FAM135B: variants seen among roughly 807,000 people sequenced by gnomAD.
FAM135B encodes protein FAM135B.
In FAM135B, 43 loss-of-function variants were observed where a neutral mutation model predicts 127.7. The observed-to-expected ratio is 0.34, with a 90% CI of 0.26 to 0.43. The LOEUF is 0.43. Among genes scored for constraint, FAM135B ranks in the 20% least tolerant of loss-of-function variants. The pLI is 1.00. For missense variants in FAM135B, 1,558 were observed against 1,725.6 expected (o/e 0.90, Z 1.72); for synonymous variants, 670 against 665.1 (o/e 1.01, Z -0.11).
intron 7 of FAM135B, among the ~76,000 whole-genome samples, chr8:138,200,053 A>T (rs1816987913): frequency 6.6e-6 from 1 of 152,222 alleles, no homozygotes; most frequent in Non-Finnish European, 1.5e-5. Context: ...CAGTAGTGTG[A>T]GGAATGAATG....
At chr8:138,343,715 T>G (rs2131073289) in intron 2 of FAM135B, among the ~76,000 whole-genome samples, 1 of 152,266 alleles carries the variant, frequency 6.6e-6, no homozygotes, top group South Asian at 2.1e-4. Context: ...CCCAAACGTG[T>G]CTACTGTGTC....
At chr8:138,309,709 G>A (rs1007375895) in intron 3 of FAM135B, among the ~76,000 whole-genome samples, 3 of 152,162 alleles carry the variant, frequency 2.0e-5, no homozygotes, top group African/African-American at 7.2e-5. Context: ...TATATGAAGT[G>A]TAGCTATGAC....
chr8:138,444,942 T>C (rs1262245917), intron 1 of FAM135B, among the ~76,000 whole-genome samples: 9 of 151,992 alleles, frequency 5.9e-5, no homozygotes, highest in Non-Finnish European at 4.4e-5. Context: ...AAGAATCAAA[T>C]AGCCGCAATA....
intron 7 of FAM135B, among the ~76,000 whole-genome samples, chr8:138,228,284 G>A (rs573181986): frequency 2.0e-5 from 3 of 152,044 alleles, no homozygotes; most frequent in South Asian, 2.1e-4. Flanking sequence ...CTTCACTCTC[G>A]CTGGGCTGAA....
chr8:138,210,763 C>G (rs1327713734), intron 7 of FAM135B, among the ~76,000 whole-genome samples: 1 of 152,122 alleles, frequency 6.6e-6, no homozygotes, highest in Non-Finnish European at 1.5e-5. Context: ...CAAACGATAT[C>G]AATAGGCTTT....
At chr8:138,148,868 A>C in intron 13 of FAM135B, 182 bp from the exon 14 acceptor site, 1 of 431,182 alleles carries the variant, frequency 2.3e-6, no homozygotes, top group East Asian at 4.0e-5. Context: ...ACAAGGAGGC[A>C]GGAAAGCACT....
rs145886925 is a variant in FAM135B, at chr8:138,147,501, C to T, written c.3448+1019G>A. Among the ~76,000 whole-genome samples the T allele has an allele frequency of 2.8e-3, 428 of 152,180 alleles. 1 individual carries two copies. The highest frequency in any genetic ancestry group is 9.8e-3 in the African/African-American group (405 of 41,530). On this transcript the variant is annotated intron_variant, in intron 14 of 19. Transcript: ENST00000395297. ...CAACATGAAGAGTTGTGTAAATATT[C>T]ATAACTGTTATCAATGTGCTCCGCT...
At chr8:138,434,776 C>T (rs910858099) in intron 1 of FAM135B, among the ~76,000 whole-genome samples, 2 of 152,268 alleles carry the variant, frequency 1.3e-5, no homozygotes, top group Admixed American at 6.5e-5. Flanking sequence ...ATACCAATCC[C>T]ACCAGCCTCT....
chr8:138,424,993 C>G (rs558595918), intron 1 of FAM135B, among the ~76,000 whole-genome samples: 2 of 152,282 alleles, frequency 1.3e-5, no homozygotes, highest in Non-Finnish European at 2.9e-5. Flanking sequence ...CCAGCCAACT[C>G]CATTGATTAT....
At chr8:138,409,222 G>A (rs979185294) in intron 1 of FAM135B, among the ~76,000 whole-genome samples, 7 of 152,062 alleles carry the variant, frequency 4.6e-5, no homozygotes, top group Admixed American at 4.6e-4. Flanking sequence ...CAGTATTGTT[G>A]TGTCTCCAGG....
intron 9 of FAM135B, among the ~76,000 whole-genome samples, chr8:138,183,088 C>G: frequency 6.7e-6 from 1 of 149,396 alleles, no homozygotes; most frequent in South Asian, 2.2e-4. Flanking sequence ...GTGCCATCCA[C>G]CCAGGTGCCC....
intron 6 of FAM135B, among the ~76,000 whole-genome samples, chr8:138,249,948 A>G (rs1218202083): frequency 6.6e-6 from 1 of 152,234 alleles, no homozygotes; most frequent in Admixed American, 6.5e-5. Context: ...GCATGGTACA[A>G]TATGCTAGAT....
intron 12 of FAM135B, among the ~76,000 whole-genome samples, chr8:138,155,319 C>A (rs1315239696): frequency 6.6e-6 from 1 of 152,170 alleles, no homozygotes; most frequent in African/African-American, 2.4e-5. Flanking sequence ...AAGGAACAAC[C>A]AGTACCAGCC....
intron 1 of FAM135B, among the ~76,000 whole-genome samples, chr8:138,464,211 C>T (rs529529485): frequency 2.6e-5 from 4 of 152,106 alleles, no homozygotes; most frequent in Non-Finnish European, 5.9e-5. Flanking sequence ...ATGGCTGAGA[C>T]GTCACTGAGC....
intron 1 of FAM135B, among the ~76,000 whole-genome samples, chr8:138,452,853 G>C (rs187352439): frequency 6.6e-6 from 1 of 152,032 alleles, no homozygotes; most frequent in African/African-American, 2.4e-5. Context: ...TAGTTTTCCC[G>C]TGCACCCGTC....
chr8:138,189,522 C>G (rs1030405399), intron 9 of FAM135B, among the ~76,000 whole-genome samples: 5 of 152,240 alleles, frequency 3.3e-5, no homozygotes, highest in Non-Finnish European at 4.4e-5. Flanking sequence ...GCCATCCGCA[C>G]ATGGCAAAGC....
intron 11 of FAM135B, among the ~76,000 whole-genome samples, chr8:138,176,262 C>T (rs1814452924): frequency 6.6e-6 from 1 of 152,206 alleles, no homozygotes; most frequent in South Asian, 2.1e-4. Flanking sequence ...CATGGCTCCA[C>T]AATCGAAGGT....
intron 7 of FAM135B, among the ~76,000 whole-genome samples, chr8:138,227,902 A>G (rs1819596502): frequency 1.3e-5 from 2 of 151,978 alleles, no homozygotes; most frequent in Admixed American, 1.3e-4. Context: ...GGTGAACTGC[A>G]ATGAAAAAAT....
chr8:138,170,922 G>A (rs542622534), intron 11 of FAM135B, among the ~76,000 whole-genome samples: 2 of 152,250 alleles, frequency 1.3e-5, no homozygotes, highest in East Asian at 1.9e-4. Flanking sequence ...TCTTGGGTCT[G>A]GAATGCTCTT....
Sources: gnomAD v4.1 joint callset for allele counts (sites outside exome capture counted in the v4.1 genomes callset) on GRCh38, gnomAD v4.1.1 for gene constraint, MANE v1.5 for transcripts, NCBI Gene and HGNC (gene_info 2026-07-23, HGNC 2026-07-21) for gene names.